The following NBAS variants were observed in gnomAD, a reference collection of about 807,000 sequenced individuals.
NBAS encodes NAG/BC035112 fusion.
In NBAS, 219 loss-of-function variants were observed where a neutral mutation model predicts 302.5. That is an observed-to-expected ratio of 0.72 (90% confidence interval 0.65 to 0.81). NBAS has a LOEUF of 0.81. Ranked by LOEUF, NBAS falls within the 30% of genes least tolerant of loss-of-function variation. NBAS has a pLI of 0.00. For synonymous variants in NBAS, 1,118 were observed against 1,021.6 expected, an observed-to-expected ratio of 1.09 and a Z score of -1.80; for missense variants, 2,932 against 2,841.6, an observed-to-expected ratio of 1.03 and a Z score of -0.72.
chr2:15,062,506 C>T, the NBAS span, among the ~76,000 whole-genome samples: 18 of 152,114 alleles, frequency 1.2e-4, no homozygotes, highest in Non-Finnish European at 2.4e-4. Context: ...TAGAAATGCT[C>T]GAACCTCCAG....
intron 40 of NBAS, among the ~76,000 whole-genome samples, chr2:15,296,479 T>C (rs1249280767): frequency 6.6e-6 from 1 of 151,988 alleles, no homozygotes; most frequent in Non-Finnish European, 1.5e-5. Context: ...TGAGCTGAGA[T>C]TGTGCTACTG....
chr2:15,429,874 T>C (rs1373878070), intron 21 of NBAS, among the ~76,000 whole-genome samples: 1 of 152,224 alleles, frequency 6.6e-6, no homozygotes, highest in African/African-American at 2.4e-5. Flanking sequence ...TATTTTATTT[T>C]CTTCCATGTC....
chr2:15,322,310 C>A (rs937547955), intron 38 of NBAS, among the ~76,000 whole-genome samples: 5 of 151,816 alleles, frequency 3.3e-5, no homozygotes, highest in African/African-American at 1.2e-4. Context: ...ATGGGTGCAG[C>A]AAAGCAACAT....
In NBAS at chr2:15,284,236, C is replaced by T. The variant is rs1055277777; in HGVS notation, c.5138+2837G>A. Among the ~76,000 whole-genome samples the T allele has an allele frequency of 4.0e-5, 6 of 151,424 alleles. No individual in the cohort carries two copies. In the East Asian group the frequency reaches 1.2e-3, roughly 29 times the overall value. On this transcript the variant is annotated intron_variant, in intron 42 of 51. Transcript: ENST00000281513. ...AATTATCTCTGACAAGAGTGAAATT[C>T]CAGGAAAAACTTCCATTAATGAAGC...
the NBAS span, among the ~76,000 whole-genome samples, chr2:15,132,598 C>T: frequency 1.3e-5 from 2 of 152,012 alleles, no homozygotes; most frequent in Admixed American, 6.5e-5. Flanking sequence ...AATAATGTGT[C>T]GATATAGGTT....
intron 2 of NBAS, among the ~76,000 whole-genome samples, chr2:15,557,486 C>T (rs1235113354): frequency 6.6e-6 from 1 of 151,948 alleles, no homozygotes; most frequent in South Asian, 2.1e-4. Flanking sequence ...TCTAAATTCT[C>T]AAAATTTAAA....
intron 27 of NBAS, among the ~76,000 whole-genome samples, chr2:15,396,202 C>G (rs1338693623): frequency 6.6e-6 from 1 of 152,056 alleles, no homozygotes; most frequent in African/African-American, 2.4e-5. Context: ...TAAATTTGAA[C>G]GTAGGTTTTC....
the NBAS span, among the ~76,000 whole-genome samples, chr2:14,867,860 A>G: frequency 3.9e-5 from 6 of 152,164 alleles, no homozygotes; most frequent in Non-Finnish European, 5.9e-5. Context: ...CTTATTTTTC[A>G]TTGCTTACTA....
the NBAS span, among the ~76,000 whole-genome samples, chr2:14,992,819 T>G: frequency 6.6e-6 from 1 of 152,112 alleles, no homozygotes; most frequent in Non-Finnish European, 1.5e-5. Context: ...CCACCATCGA[T>G]TCTAAACTGG....
At chr2:14,949,282 ACAAT>A in the NBAS span, among the ~76,000 whole-genome samples, 1 of 152,202 alleles carries the variant, frequency 6.6e-6, no homozygotes, top group African/African-American at 2.4e-5. Flanking sequence ...AGCAAAGCAA[ACAAT>A]CAAAGTGAAA....
At chr2:15,257,232 T>C (rs1407701050) in intron 44 of NBAS, among the ~76,000 whole-genome samples, 16 of 152,204 alleles carry the variant, frequency 1.1e-4, no homozygotes, top group Admixed American at 7.2e-4. Context: ...CTACTTGTTA[T>C]TTGTCTGTTC....
In NBAS at chr2:15,402,299, C is replaced by G. The variant is rs1676195205; in HGVS notation, c.2940G>C (p.Leu980=). The G allele has an allele frequency of 6.2e-7, 1 of 1,613,334 alleles. No individual in the cohort carries two copies. The highest frequency in any genetic ancestry group is 1.3e-5 in the African/African-American group (1 of 74,992). Residue 980 remains leucine (L), a splice_region_variant and synonymous_variant, in exon 26 of 52, where the codon CTG becomes CTC. Coordinates refer to ENST00000281513, the MANE Select transcript of NBAS (RefSeq NM_015909.4). ...LKIFQHSKPD[L]QQKIIPDQDQ... The stretch of plus-strand genomic sequence containing the variant: ...CCTGATCAGGAATAATTTTTTGCTG[C>G]AGCTACAGAAAATAAAGTATGTTGT...
chr2:15,518,860 C>T (rs551608133), intron 9 of NBAS, among the ~76,000 whole-genome samples: 22 of 152,168 alleles, frequency 1.4e-4, no homozygotes, highest in Admixed American at 1.2e-3. Context: ...CAGAGAAACT[C>T]CCATTTTTTT....
the NBAS span, among the ~76,000 whole-genome samples, chr2:15,161,401 A>G: frequency 2.0e-5 from 3 of 152,210 alleles, no homozygotes; most frequent in Non-Finnish European, 2.9e-5. Flanking sequence ...ACCAAATGTC[A>G]GGAGGATGTC....
the NBAS span, among the ~76,000 whole-genome samples, chr2:14,899,498 T>C: frequency 6.6e-6 from 1 of 152,238 alleles, no homozygotes; most frequent in African/African-American, 2.4e-5. Flanking sequence ...TAGAATGTTG[T>C]TAAGCTCAGC....
intron 35 of NBAS, among the ~76,000 whole-genome samples, chr2:15,331,876 A>T (rs1672370885): frequency 6.6e-6 from 1 of 152,204 alleles, no homozygotes; most frequent in Non-Finnish European, 1.5e-5. Flanking sequence ...CCTCGAAGTG[A>T]GGAGATTATC....
At chr2:15,353,761 A>C in intron 33 of NBAS, 51 bp from the exon 34 acceptor site, 1 of 1,611,872 alleles carries the variant, frequency 6.2e-7, no homozygotes, top group South Asian at 1.1e-5. Context: ...AAGAATATTC[A>C]ATCTAAGATG....
chr2:15,187,407 T>C (rs753250007), intron 49 of NBAS, among the ~76,000 whole-genome samples: 3 of 152,200 alleles, frequency 2.0e-5, no homozygotes, highest in Non-Finnish European at 2.9e-5. Context: ...ATTGTTATTG[T>C]TATTGTAATG....
In NBAS at chr2:15,352,074, T is replaced by C. The variant is rs1331848647; in HGVS notation, c.4097A>G (p.Tyr1366Cys). The C allele has an allele frequency of 1.2e-6, 2 of 1,605,012 alleles. No homozygotes were observed. The highest frequency in any genetic ancestry group is 2.2e-5 in the South Asian group (2 of 90,872). ...ASSSLQTEILYQRVNFQIHHE... is the reference protein window; with the variant it reads ...ASSSLQTEILCQRVNFQIHHE... ...ATGGATCTGGAAATTCACTCTTTGATAAAGAATCTAAAACAAGAATAGGCT... is the reference window on the plus strand; with the variant it reads ...ATGGATCTGGAAATTCACTCTTTGACAAAGAATCTAAAACAAGAATAGGCT... The change falls in exon 35 of 52, where the codon TAT (tyrosine) becomes TGT (cysteine). Residue 1366 changes from tyrosine to cysteine, a missense_variant. By Grantham distance (194) the Tyr-to-Cys change is radical (BLOSUM62 -2). Coordinates refer to ENST00000281513, the MANE Select transcript of NBAS (RefSeq NM_015909.4).
Sources: allele counts gnomAD v4.1 joint callset (sites outside exome capture counted in the v4.1 genomes callset), GRCh38; gene constraint gnomAD v4.1.1; transcripts MANE v1.5; gene names NCBI Gene and HGNC (gene_info 2026-07-23, HGNC 2026-07-21).